SOX5: variants seen among roughly 807,000 people sequenced by gnomAD.
SOX5 encodes the protein SRY-box transcription factor 5, also known as transcription factor SOX-5.
A neutral mutation model predicts 92.0 loss-of-function variants in SOX5; 9 were observed. The ratio of observed to expected loss-of-function variants is 0.10; its 90% CI spans 0.06 to 0.17. SOX5 has a LOEUF of 0.17. Ranked by LOEUF, SOX5 falls within the 10% of genes least tolerant of loss-of-function variation. The pLI is 1.00. For synonymous variants in SOX5, 344 were observed against 336.3 expected, an observed-to-expected ratio of 1.02 and a Z score of -0.25; for missense variants, 642 against 944.5, an observed-to-expected ratio of 0.68 and a Z score of 4.20.
At chr12:24,340,801 A>G (rs933187325) in intron 2 of SOX5, among the ~76,000 whole-genome samples, 1 of 152,108 alleles carries the variant, frequency 6.6e-6, no homozygotes, top group Non-Finnish European at 1.5e-5. Flanking sequence ...AGAGCTACAC[A>G]CTCACTTATT....
chr12:23,739,604 T>C (rs1418704848), intron 5 of SOX5, among the ~76,000 whole-genome samples: 5 of 152,166 alleles, frequency 3.3e-5, no homozygotes, highest in Admixed American at 1.3e-4. Context: ...CATTTTCCTT[T>C]CTCTGCCAGC....
chr12:24,117,108 TCAA>T (rs1490316213), intron 4 of SOX5, among the ~76,000 whole-genome samples: 6 of 151,736 alleles, frequency 4.0e-5, no homozygotes, highest in Admixed American at 1.3e-4. Flanking sequence ...TTCAAATAAC[TCAA>T]CAACAAGAAA....
intron 6 of SOX5, among the ~76,000 whole-genome samples, chr12:23,714,721 T>C (rs1430361062): frequency 3.3e-5 from 5 of 152,322 alleles, no homozygotes; most frequent in African/African-American, 9.6e-5. Context: ...CTTGATTTAA[T>C]ATACATAAAA....
intron 4 of SOX5, among the ~76,000 whole-genome samples, chr12:24,012,647 T>C (rs1010596848): frequency 6.6e-6 from 1 of 152,192 alleles, no homozygotes; most frequent in African/African-American, 2.4e-5. Flanking sequence ...CAGGTACTGC[T>C]AGATCTTGTC....
In SOX5 at chr12:24,021,153, A is replaced by G. The variant is rs146838651; in HGVS notation, c.-1-125129T>C. Among the ~76,000 whole-genome samples the G allele has an allele frequency of 1.1e-4, 16 of 152,304 alleles. No individual in the cohort carries two copies. The East Asian group carries it at 2.9e-3, about 28-fold the overall frequency. ...GACAATAATAACTTCTGTCTATTAA[A>G]CACAAAGGAAGTGCATGGAAGGTAC... is the stretch of plus-strand genomic sequence containing the variant. On this transcript the variant is annotated intron_variant, in intron 4 of 4. Transcript: ENST00000446891.
intron 6 of SOX5, among the ~76,000 whole-genome samples, chr12:23,678,894 A>G (rs1205998735): frequency 1.3e-5 from 2 of 152,148 alleles, no homozygotes; most frequent in African/African-American, 4.8e-5. Context: ...ATCAAAATAA[A>G]TTATAATTAT....
intron 2 of SOX5, among the ~76,000 whole-genome samples, chr12:24,340,451 CTTCA>C (rs1952450779): frequency 6.6e-6 from 1 of 152,168 alleles, no homozygotes; most frequent in Admixed American, 6.5e-5. Context: ...CCTACAGATT[CTTCA>C]TTTGTTGGTT....
At position 24,027,725 on chromosome 12, in the gene SOX5, A is replaced by G. The variant is rs577139485; in HGVS notation, c.-1-131701T>C. Among the ~76,000 whole-genome samples, 3 of 151,964 alleles carry G rather than the reference A, an allele frequency of 2.0e-5. No homozygotes were observed. In the South Asian group the frequency reaches 6.2e-4, roughly 32 times the overall value. On this transcript the variant is annotated intron_variant, in intron 4 of 4. Transcript: ENST00000446891. Reference sequence around the variant, plus strand: ...CAGATGAAAAGTCACAAGGAGGGGGATGGGAAAGCAAAACTTGGACACTAC... The same window carrying G: ...CAGATGAAAAGTCACAAGGAGGGGGGTGGGAAAGCAAAACTTGGACACTAC...
intron 1 of SOX5, among the ~76,000 whole-genome samples, chr12:23,948,659 C>A (rs544323171): frequency 1.3e-5 from 2 of 150,352 alleles, no homozygotes; most frequent in East Asian, 3.9e-4. Context: ...TAATGGCAAA[C>A]AAAATTCTAT....
intron 7 of SOX5, among the ~76,000 whole-genome samples, chr12:23,646,564 C>T (rs1230842577): frequency 1.3e-5 from 2 of 152,208 alleles, no homozygotes; most frequent in African/African-American, 4.8e-5. Flanking sequence ...TAATTGATAG[C>T]AGTTATCTAC....
At chr12:23,923,671 A>G (rs1020253545) in intron 1 of SOX5, among the ~76,000 whole-genome samples, 1 of 152,146 alleles carries the variant, frequency 6.6e-6, no homozygotes. Flanking sequence ...ATGAAATAAC[A>G]GCCAATTTTG....
intron 2 of SOX5, among the ~76,000 whole-genome samples, chr12:23,887,915 ATATG>A (rs935551815): frequency 5.0e-5 from 4 of 79,666 alleles, no homozygotes; most frequent in African/African-American, 1.0e-4. Flanking sequence ...TCCAGTGTGT[ATATG>A]TGTGTGTGTG....
chr12:24,376,875 T>C (rs928077520), intron 1 of SOX5, among the ~76,000 whole-genome samples: 1 of 105,860 alleles, frequency 9.4e-6, no homozygotes, highest in African/African-American at 3.5e-5. Flanking sequence ...GCTAATTTTT[T>C]GAATTTTTTT....
At chr12:24,151,781 A>C (rs1951680168) in intron 4 of SOX5, among the ~76,000 whole-genome samples, 1 of 152,066 alleles carries the variant, frequency 6.6e-6, no homozygotes, top group Non-Finnish European at 1.5e-5. Context: ...AGTTCTTTTT[A>C]ATTAGGACTG....
intron 4 of SOX5, among the ~76,000 whole-genome samples, chr12:24,096,115 T>A (rs1398501600): frequency 2.0e-5 from 3 of 152,144 alleles, no homozygotes; most frequent in East Asian, 1.9e-4. Flanking sequence ...ATGGAAAAAA[T>A]TTTTAAACAT....
chr12:24,318,749 G>A (rs1157674971), intron 2 of SOX5, among the ~76,000 whole-genome samples: 1 of 152,164 alleles, frequency 6.6e-6, no homozygotes, highest in African/African-American at 2.4e-5. Flanking sequence ...CATTAAAAAT[G>A]TTGGTTATCA....
intron 1 of SOX5, among the ~76,000 whole-genome samples, chr12:24,448,365 A>C (rs978909624): frequency 6.6e-6 from 1 of 152,080 alleles, no homozygotes; most frequent in African/African-American, 2.4e-5. Flanking sequence ...GGAGAGAAAA[A>C]CTACTGCTGA....
chr12:23,728,442 G>C (rs1027829777), intron 6 of SOX5, among the ~76,000 whole-genome samples: 3 of 152,070 alleles, frequency 2.0e-5, no homozygotes, highest in African/African-American at 2.4e-5. Context: ...CTTGTTGAGG[G>C]GGGTAAAATG....
Position 24,190,242 on chromosome 12 carries a change from G to A in SOX5, c.-2+23101C>T, listed in dbSNP as rs142691023. On this transcript the variant is annotated intron_variant, in intron 4 of 4. Transcript: ENST00000446891. ...AAGTTCTTATGCTGGAAATGGATCC[G>A]CTAGAGAAAGAAGACCCTGTGTCAT... Among the ~76,000 whole-genome samples, 10 of 152,156 alleles carry A rather than the reference G, an allele frequency of 6.6e-5. No homozygotes were observed. In the East Asian group the frequency reaches 9.6e-4, roughly 15 times the overall value.
Sources: gnomAD v4.1 joint callset for allele counts (sites outside exome capture counted in the v4.1 genomes callset) on GRCh38, gnomAD v4.1.1 for gene constraint, MANE v1.5 for transcripts, NCBI Gene and HGNC (gene_info 2026-07-23, HGNC 2026-07-21) for gene names.